The following GPC6 variants were observed in gnomAD, a reference collection of about 807,000 sequenced individuals.
GPC6 encodes the protein glypican-6.
A neutral mutation model predicts 55.2 loss-of-function variants in GPC6; 14 were observed. That is an observed-to-expected ratio of 0.25 (90% CI 0.17 to 0.40). The LOEUF is 0.40. Among genes scored for constraint, GPC6 ranks in the 10% least tolerant of loss-of-function variants. GPC6 has a pLI of 1.00. For synonymous variants in GPC6, 278 were observed against 259.6 expected, an observed-to-expected ratio of 1.07 and a Z score of -0.68; for missense variants, 641 against 708.5, an observed-to-expected ratio of 0.90 and a Z score of 1.08.
chr13:93,916,619 A>G lies in GPC6; in HGVS notation c.711+86074A>G, dbSNP rs934491098. Among the ~76,000 whole-genome samples the G allele has an allele frequency of 4.6e-5, 7 of 152,194 alleles. No individual in the cohort carries two copies. In the East Asian group the frequency reaches 1.3e-3, roughly 29 times the overall value. On this transcript the variant is annotated intron_variant, in intron 3 of 8. Transcript: ENST00000377047. ...TGAAATAACTTGTCAGACTTCCACT[A>G]TGAAAGCAGATTTTTTTTCTGCTGG... is the stretch of plus-strand genomic sequence containing the variant.
rs1196342989 is a variant in GPC6 at position 93,469,884 on chromosome 13, T to G, written c.161-75379T>G. On this transcript the variant is annotated intron_variant, in intron 1 of 8. Transcript: ENST00000377047. Reference sequence around the variant, plus strand: ...TTTACTGAAAAGGGAATCTTTTTTCTTTTGAATTGCTTTTCTGTTTTTGTC... The same window carrying G: ...TTTACTGAAAAGGGAATCTTTTTTCGTTTGAATTGCTTTTCTGTTTTTGTC... Among the ~76,000 whole-genome samples the G allele has an allele frequency of 2.0e-5, 3 of 152,306 alleles. No homozygotes were observed. The East Asian group carries it at 5.8e-4, about 29-fold the overall frequency.
At position 93,410,785 on chromosome 13, in the gene GPC6, A is replaced by G. The variant is rs375187869; in HGVS notation, c.161-134478A>G. Among the ~76,000 whole-genome samples the G allele has an allele frequency of 2.6e-5, 4 of 152,328 alleles. No individual in the cohort carries two copies. In the South Asian group the frequency reaches 8.3e-4, roughly 32 times the overall value. ...ATAATGTAGCTTCTGAAAAGCAATT[A>G]TAACTTTCATCTTAAACTTCTTTCA... is the stretch of plus-strand genomic sequence containing the variant. On this transcript the variant is annotated intron_variant, in intron 1 of 8. Transcript: ENST00000377047.
At chr13:94,387,780 C>CAAG (rs1246182446) in intron 7 of GPC6, among the ~76,000 whole-genome samples, 1 of 79,384 alleles carries the variant, frequency 1.3e-5, no homozygotes, top group Non-Finnish European at 2.5e-5. Context: ...TGTGAGGACA[C>CAAG]AACAAGGCAG....
chr13:94,082,358 C>T (rs1885131227), intron 4 of GPC6, among the ~76,000 whole-genome samples: 1 of 152,264 alleles, frequency 6.6e-6, no homozygotes, highest in East Asian at 1.9e-4. Context: ...GACACACTTC[C>T]CTGAAAATAC....
At chr13:93,313,390 T>C (rs898111524) in intron 1 of GPC6, among the ~76,000 whole-genome samples, 1 of 152,134 alleles carries the variant, frequency 6.6e-6, no homozygotes, top group Non-Finnish European at 1.5e-5. Context: ...GGTGGAAACA[T>C]TTTTCATCAG....
chr13:93,758,477 A>T (rs1382631003), intron 2 of GPC6, among the ~76,000 whole-genome samples: 1 of 152,112 alleles, frequency 6.6e-6, no homozygotes, highest in Non-Finnish European at 1.5e-5. Flanking sequence ...GGAGATACAG[A>T]TTTGATTTAT....
chr13:94,014,901 T>C (rs1387392390), intron 3 of GPC6, among the ~76,000 whole-genome samples: 1 of 152,246 alleles, frequency 6.6e-6, no homozygotes. Context: ...AATATTTTGC[T>C]GTACAGATAT....
chr13:93,895,671 A>G (rs1222058819), intron 3 of GPC6, among the ~76,000 whole-genome samples: 2 of 152,072 alleles, frequency 1.3e-5, no homozygotes, highest in Non-Finnish European at 2.9e-5. Flanking sequence ...ATGAAACTGC[A>G]TTATGAATCA....
At chr13:93,997,991 T>C (rs1881633300) in intron 3 of GPC6, among the ~76,000 whole-genome samples, 1 of 152,182 alleles carries the variant, frequency 6.6e-6, no homozygotes, top group Admixed American at 6.5e-5. Flanking sequence ...CATGTTGATT[T>C]CAGGTGTGAC....
chr13:93,539,697 T>TC (rs1214279078), intron 1 of GPC6, among the ~76,000 whole-genome samples: 1 of 150,842 alleles, frequency 6.6e-6, no homozygotes, highest in African/African-American at 2.4e-5. Flanking sequence ...CTTGGTACTT[T>TC]TTTTTTTTTT....
chr13:94,031,064 ATGTGCGTGTGCG>A lies in GPC6; in HGVS notation c.877+3181_877+3192del, dbSNP rs112068282. Among the ~76,000 whole-genome samples the A allele has an allele frequency of 1.7e-3, 253 of 148,340 alleles. 1 individual carries two copies. The highest frequency in any genetic ancestry group is 2.8e-3 in the Non-Finnish European group (192 of 67,390). ...TGCGTTTGTGCGTTTGTGCGTGTGC[ATGTGCGTGTGCG>A]TGTGCGTGTGTGTGTGCGTGTGTGT... On this transcript the variant is annotated intron_variant, in intron 4 of 8. Transcript: ENST00000377047.
intron 1 of GPC6, among the ~76,000 whole-genome samples, chr13:93,344,250 A>T (rs1880358743): frequency 6.6e-6 from 1 of 152,330 alleles, no homozygotes; most frequent in Non-Finnish European, 1.5e-5. Flanking sequence ...CTGAGTGGAA[A>T]ATAAACACAA....
rs1438074103 is a variant in GPC6 at position 93,227,186 on chromosome 13, G to C, written c.-271G>C. ...TTCTTTTCCTTCTCTTCCTCGTTTT[G>C]ATTGCACCGTTTCCATCTGGGGGCT... On this transcript the variant is annotated 5_prime_UTR_variant, in exon 1 of 9. Coordinates refer to ENST00000377047, the MANE Select transcript of GPC6 (RefSeq NM_005708.5). This position sits in a 1 kb window ranked among gnomAD's most constrained non-coding sequence, Gnocchi z 4.3. The C allele has an allele frequency of 2.7e-6, 1 of 372,966 alleles. No homozygotes were observed. Among genetic ancestry groups the C allele is most frequent in the Non-Finnish European group, 4.8e-6 (1 of 207,366 alleles). The allele number at this position is 372,966 out of a possible 1,614,324, so 23.1% of individuals were successfully genotyped here.
intron 2 of GPC6, among the ~76,000 whole-genome samples, chr13:93,594,114 G>T (rs928712770): frequency 6.6e-6 from 1 of 151,818 alleles, no homozygotes; most frequent in Non-Finnish European, 1.5e-5. Context: ...GAGCTTAGAG[G>T]TAAGCAGGAT....
chr13:94,029,910 T>C (rs1371613566), intron 4 of GPC6, among the ~76,000 whole-genome samples: 2 of 152,200 alleles, frequency 1.3e-5, no homozygotes, highest in Non-Finnish European at 2.9e-5. Context: ...AAAACTAAAA[T>C]TTGAACCAAC....
intron 4 of GPC6, among the ~76,000 whole-genome samples, chr13:94,280,660 A>C (rs1189087889): frequency 6.6e-6 from 1 of 151,958 alleles, no homozygotes; most frequent in Admixed American, 6.6e-5. Context: ...TGCATTTATC[A>C]CAGTGCTTTT....
chr13:93,963,680 T>A lies in GPC6; in HGVS notation c.712-64049T>A, dbSNP rs903211937. On this transcript the variant is annotated intron_variant, in intron 3 of 8. Transcript: ENST00000377047. ...GTTAGACAGATGGTATCTTTGGAATTGTTGTGACATTTCATTGTTGCTGGT... is the reference window on the plus strand; with the variant it reads ...GTTAGACAGATGGTATCTTTGGAATAGTTGTGACATTTCATTGTTGCTGGT... Among the ~76,000 whole-genome samples the A allele has an allele frequency of 2.6e-5, 4 of 152,080 alleles. No homozygotes were observed. In the East Asian group the frequency reaches 5.8e-4, roughly 22 times the overall value.
intron 4 of GPC6, among the ~76,000 whole-genome samples, chr13:94,239,838 C>T (rs1890999537): frequency 6.6e-6 from 1 of 152,060 alleles, no homozygotes; most frequent in Non-Finnish European, 1.5e-5. Flanking sequence ...TCAATCCACT[C>T]AGCTTCCCTC....
intron 1 of GPC6, among the ~76,000 whole-genome samples, chr13:93,366,693 T>G (rs140584818): frequency 5.2e-4 from 79 of 152,140 alleles, no homozygotes; most frequent in African/African-American, 1.9e-3. Context: ...TTCCAATGAT[T>G]TGCAATCCAT....
Sources: gnomAD v4.1 joint callset for allele counts (sites outside exome capture counted in the v4.1 genomes callset) on GRCh38, gnomAD v4.1.1 for gene constraint, Gnocchi (gnomAD v3.1) non-coding constraint, MANE v1.5 for transcripts, NCBI Gene and HGNC (gene_info 2026-07-23, HGNC 2026-07-21) for gene names.